Variants in KIAA0825 observed in about 807,000 individuals in gnomAD.
The protein encoded by KIAA0825 is KIAA0825.
KIAA0825 carries 119 observed loss-of-function variants against 147.6 expected under a neutral mutation model. The ratio of observed to expected loss-of-function variants is 0.81; its 90% CI spans 0.69 to 0.94. The LOEUF (loss-of-function observed/expected upper bound fraction) is 0.94, where lower values mean the gene tolerates loss of function less well. KIAA0825 is among the 40% of genes least tolerant of loss of function. The pLI is 0.00. For synonymous variants in KIAA0825, 470 were observed against 518.1 expected, an observed-to-expected ratio of 0.91 and a Z score of 1.26; for missense variants, 1,381 against 1,472.7, an observed-to-expected ratio of 0.94 and a Z score of 1.02.
chr5:94,572,659 T>A (rs566428534), intron 2 of KIAA0825, among the ~76,000 whole-genome samples: 1 of 152,272 alleles, frequency 6.6e-6, no homozygotes, highest in South Asian at 2.1e-4. Flanking sequence ...ATTTAAAAAA[T>A]TGTAGAACTA....
intron 20 of KIAA0825, among the ~76,000 whole-genome samples, chr5:94,329,949 G>A (rs1236370445): frequency 6.6e-6 from 1 of 152,270 alleles, no homozygotes; most frequent in East Asian, 1.9e-4. Flanking sequence ...GACAGAGTAA[G>A]ATGAAGAGAC....
At chr5:94,590,122 G>A (rs1296341574) in intron 1 of KIAA0825, among the ~76,000 whole-genome samples, 1 of 152,116 alleles carries the variant, frequency 6.6e-6, no homozygotes, top group Non-Finnish European at 1.5e-5. Flanking sequence ...CCCCATTAGA[G>A]TAGCTGGGAC....
intron 11 of KIAA0825, among the ~76,000 whole-genome samples, chr5:94,463,481 C>CAA (rs1167409918): frequency 6.6e-6 from 1 of 150,450 alleles, no homozygotes; most frequent in African/African-American, 2.4e-5. Context: ...CTAAAAGAAT[C>CAA]AATAATAGCC....
chr5:94,561,202 A>AG (rs1031277332), intron 2 of KIAA0825, among the ~76,000 whole-genome samples: 6 of 152,204 alleles, frequency 3.9e-5, no homozygotes, highest in Non-Finnish European at 7.3e-5. Flanking sequence ...TTAAACAAGG[A>AG]GGTTCAGGAA....
chr5:94,402,384 G>C (rs1751500626), intron 16 of KIAA0825, among the ~76,000 whole-genome samples: 1 of 151,956 alleles, frequency 6.6e-6, no homozygotes, highest in African/African-American at 2.4e-5. Flanking sequence ...ATATCCAAAA[G>C]CTAGAACAAA....
chr5:94,501,169 A>T (rs1765038251), intron 5 of KIAA0825, among the ~76,000 whole-genome samples: 1 of 152,200 alleles, frequency 6.6e-6, no homozygotes, highest in Non-Finnish European at 1.5e-5. Flanking sequence ...ATTTAAAAAT[A>T]AAAAAATATG....
chr5:94,378,551 G>A (rs1330873030), intron 20 of KIAA0825, among the ~76,000 whole-genome samples: 2 of 152,158 alleles, frequency 1.3e-5, no homozygotes, highest in Non-Finnish European at 2.9e-5. Context: ...ATTGTGAATA[G>A]TGCTGCAATG....
intron 2 of KIAA0825, among the ~76,000 whole-genome samples, chr5:94,558,320 T>C (rs1163871293): frequency 6.6e-6 from 1 of 152,142 alleles, no homozygotes; most frequent in Non-Finnish European, 1.5e-5. Context: ...AAATGAATTT[T>C]GAAATTTGGA....
intron 13 of KIAA0825, among the ~76,000 whole-genome samples, chr5:94,450,907 G>A (rs1009738425): frequency 6.6e-6 from 1 of 152,314 alleles, no homozygotes. Flanking sequence ...AGGTGGGGGT[G>A]TGGTTGTCAA....
At chr5:94,179,564 C>T (rs922120349) in intron 20 of KIAA0825, among the ~76,000 whole-genome samples, 3 of 151,976 alleles carry the variant, frequency 2.0e-5, no homozygotes, top group African/African-American at 7.2e-5. Flanking sequence ...AGAAGCTACC[C>T]CAGTAGCAGT....
chr5:94,439,850 T>C, intron 14 of KIAA0825, 132 bp downstream of exon 14: 2 of 928,370 alleles, frequency 2.2e-6, no homozygotes, highest in Non-Finnish European at 3.2e-6. Flanking sequence ...TGACTGCTGC[T>C]AACCCAGCTG....
At chr5:94,477,333 T>C in intron 6 of KIAA0825, 128 bp from the exon 7 acceptor site, 1 of 536,934 alleles carries the variant, frequency 1.9e-6, no homozygotes. Context: ...TACATACATA[T>C]ACACATCCAC....
intron 20 of KIAA0825, among the ~76,000 whole-genome samples, chr5:94,331,087 A>G (rs560269447): frequency 2.6e-4 from 39 of 151,894 alleles, no homozygotes; most frequent in Non-Finnish European, 3.8e-4. Context: ...GCAGTCCAAG[A>G]TCATGCCACT....
intron 13 of KIAA0825, among the ~76,000 whole-genome samples, chr5:94,448,928 G>A (rs998508124): frequency 5.9e-5 from 9 of 152,022 alleles, no homozygotes; most frequent in African/African-American, 1.7e-4. Context: ...CTGATTGTAC[G>A]GTGCTCTGAG....
chr5:94,302,722 T>C (rs1778488025), intron 20 of KIAA0825, among the ~76,000 whole-genome samples: 2 of 152,108 alleles, frequency 1.3e-5, no homozygotes, highest in South Asian at 4.1e-4. Context: ...GAAAATGTAA[T>C]GGGTTGTCTC....
chr5:94,583,595 G>A (rs1782661507), intron 1 of KIAA0825, among the ~76,000 whole-genome samples: 2 of 152,184 alleles, frequency 1.3e-5, no homozygotes, highest in African/African-American at 4.8e-5. Context: ...TCTGGGGGCA[G>A]GGCATATATG....
chr5:94,275,381 A>G (rs1777176330), intron 20 of KIAA0825, among the ~76,000 whole-genome samples: 1 of 152,186 alleles, frequency 6.6e-6, no homozygotes, highest in Admixed American at 6.6e-5. Flanking sequence ...ATCTCATTAA[A>G]ACATAAAGTA....
intron 1 of KIAA0825, among the ~76,000 whole-genome samples, chr5:94,606,389 G>A (rs139834054): frequency 0.016 from 2,448 of 152,198 alleles, 67 homozygotes; most frequent in African/African-American, 0.055. Flanking sequence ...ATTCTTCACA[G>A]AACTAGAACA....
chr5:94,477,196 T>A lies in KIAA0825; in HGVS notation c.1142A>T (p.Glu381Val), dbSNP rs1481842272. 1.3e-6 allele frequency: 2 copies of A among 1,547,558 alleles called. No homozygotes were observed. Among genetic ancestry groups the A allele is most frequent in the East Asian group, 4.9e-5 (2 of 40,784 alleles). Residue 381 changes from glutamate (E) to valine (V), a missense_variant, in exon 7 of 21, where the codon GAG (glutamate) becomes GTG (valine). Glu to Val is a moderately radical substitution (Grantham distance 121). Transcript: ENST00000682413. ...CATTACAACCTCTCTATCGGATTTC[T>A]CCAAAATTCCTAAGCAATAGAAAAG... ...KITRDTSGILEKSDREVVMEK... is the reference protein window; with the variant it reads ...KITRDTSGILVKSDREVVMEK...
Sources: gnomAD v4.1 joint callset for allele counts (sites outside exome capture counted in the v4.1 genomes callset) on GRCh38, gnomAD v4.1.1 for gene constraint, MANE v1.5 for transcripts, NCBI Gene and HGNC (gene_info 2026-07-23, HGNC 2026-07-21) for gene names.